Variants in RASSF3 observed in about 807,000 individuals in gnomAD.
RASSF3 encodes ras association domain-containing protein 3.
RASSF3 carries 19 observed loss-of-function variants against 19.9 expected under a neutral mutation model. The observed-to-expected ratio is 0.96, with a 90% CI of 0.67 to 1.40. RASSF3 has a LOEUF of 1.40. Among genes scored for constraint, RASSF3 ranks in the 40% most tolerant of loss-of-function variants. The probability of loss-of-function intolerance (pLI) is 0.00; values close to 1 mark genes in which losing one functional copy is unlikely to be tolerated. For missense variants in RASSF3, 306 were observed against 289.8 expected (o/e 1.06, Z -0.41); for synonymous variants, 110 against 104.2 (o/e 1.06, Z -0.34).
chr12:64,695,004 C>G lies in RASSF3; in HGVS notation c.*92C>G, dbSNP rs1868334549. On this transcript the variant is annotated 3_prime_UTR_variant, in exon 5 of 5. Coordinates refer to ENST00000542104, the MANE Select transcript of RASSF3 (RefSeq NM_178169.4). The stretch of plus-strand genomic sequence containing the variant: ...TTCTCAGAGGGCTGCTGTCTTGCCC[C>G]ACTATGCTAGGGTCTTCGCCTTTCT... The G allele has an allele frequency of 1.3e-5, 18 of 1,403,180 alleles. No homozygotes were observed. The highest frequency in any genetic ancestry group is 2.6e-4 in the Middle Eastern group (1 of 3,912). The allele number at this position is 1,403,180 out of a possible 1,614,324, so 86.9% of individuals were successfully genotyped here.
upstream of RASSF3, among the ~76,000 whole-genome samples, chr12:64,608,852 C>A (rs1009564235): frequency 2.0e-5 from 3 of 152,180 alleles, no homozygotes; most frequent in Non-Finnish European, 4.4e-5. Context: ...ATGGCACACA[C>A]ACGGATCAGC....
chr12:64,659,954 G>C (rs1465295052), intron 1 of RASSF3, among the ~76,000 whole-genome samples: 1 of 43,560 alleles, frequency 2.3e-5, no homozygotes, highest in Non-Finnish European at 5.1e-5. Flanking sequence ...TCTAATACGT[G>C]TGTGTGTGTG....
intron 1 of RASSF3, among the ~76,000 whole-genome samples, chr12:64,682,201 G>T (rs1483179953): frequency 1.3e-5 from 2 of 152,238 alleles, no homozygotes; most frequent in East Asian, 3.9e-4. Flanking sequence ...TCTTGTGCTG[G>T]TATTTATCCA....
At chr12:64,669,856 T>C (rs915719838) in intron 1 of RASSF3, among the ~76,000 whole-genome samples, 17 of 134,092 alleles carry the variant, frequency 1.3e-4, no homozygotes, top group African/African-American at 4.9e-4. Context: ...AGCACTTCTA[T>C]GCAACAAAGA....
chr12:64,669,669 C>T (rs969087881), intron 1 of RASSF3, among the ~76,000 whole-genome samples: 8 of 151,652 alleles, frequency 5.3e-5, no homozygotes, highest in African/African-American at 1.7e-4. Context: ...TCTCCTTGAC[C>T]CGTCCCTTTG....
At chr12:64,605,811 C>T (rs1019172851), upstream of RASSF3, among the ~76,000 whole-genome samples, 1 of 151,130 alleles carries the variant, frequency 6.6e-6, no homozygotes, top group Admixed American at 6.6e-5. Flanking sequence ...TCGCTTGAAC[C>T]CGGGAGGTGG....
chr12:64,512,604 A>T (rs962189130), intron 1 of RASSF3, among the ~76,000 whole-genome samples: 2 of 152,190 alleles, frequency 1.3e-5, no homozygotes, highest in African/African-American at 4.8e-5. Context: ...GTTCTTACTA[A>T]TGGTTTAACG....
At chr12:64,690,661 T>TC (rs1167969444) in intron 3 of RASSF3, among the ~76,000 whole-genome samples, 3 of 151,674 alleles carry the variant, frequency 2.0e-5, no homozygotes, top group African/African-American at 7.3e-5. Context: ...AAAAATTTTT[T>TC]TTTTTTGGAG....
chr12:64,605,485 A>G (rs1054938182), intron 2 of RASSF3, among the ~76,000 whole-genome samples: 4 of 152,108 alleles, frequency 2.6e-5, no homozygotes, highest in African/African-American at 9.7e-5. Flanking sequence ...ACCAATGTCA[A>G]TGGAGGAGAA....
chr12:64,507,493 AG>A, intron 1 of RASSF3: 1 of 392,462 alleles, frequency 2.5e-6, no homozygotes, highest in Non-Finnish European at 4.5e-6. Flanking sequence ...GAAAATTGAG[AG>A]AAAATAAAAT....
At chr12:64,528,341 C>T (rs909011751), upstream of RASSF3, among the ~76,000 whole-genome samples, 2 of 152,146 alleles carry the variant, frequency 1.3e-5, no homozygotes, top group African/African-American at 4.8e-5. Context: ...ATTTTAGGTA[C>T]CACCAGAGTA....
intron 2 of RASSF3, among the ~76,000 whole-genome samples, chr12:64,556,644 G>C (rs1056066300): frequency 6.6e-6 from 1 of 152,062 alleles, no homozygotes; most frequent in South Asian, 2.1e-4. Context: ...AGTTATGCTC[G>C]CCACAGCAGA....
At chr12:64,634,040 G>C (rs989020911) in intron 1 of RASSF3, among the ~76,000 whole-genome samples, 1 of 152,142 alleles carries the variant, frequency 6.6e-6, no homozygotes, top group African/African-American at 2.4e-5. Flanking sequence ...AGGCTGAGGT[G>C]GGAAGATGGC....
chr12:64,673,042 AGCCT>A (rs1872755958), intron 1 of RASSF3, among the ~76,000 whole-genome samples: 1 of 152,138 alleles, frequency 6.6e-6, no homozygotes. Context: ...CCTCCAAATG[AGCCT>A]GTTCATTTCC....
chr12:64,544,430 G>A (rs114707989), downstream of RASSF3, among the ~76,000 whole-genome samples: 824 of 152,218 alleles, frequency 5.4e-3, 7 homozygotes, highest in African/African-American at 0.019. Context: ...GAGGGTCCGC[G>A]GGTTCATTCT....
At chr12:64,628,195 T>C (rs960263518) in intron 1 of RASSF3, 3 of 152,242 alleles carry the variant, frequency 2.0e-5, no homozygotes, top group Non-Finnish European at 4.4e-5. Context: ...CAAGTTTCTT[T>C]CTTTCTTTTC....
At chr12:64,601,777 C>T (rs1483081685) in intron 2 of RASSF3, among the ~76,000 whole-genome samples, 1 of 152,016 alleles carries the variant, frequency 6.6e-6, no homozygotes, top group Non-Finnish European at 1.5e-5. Flanking sequence ...CAGGCCATTG[C>T]ACTCCAGCCT....
At position 64,514,938 on chromosome 12, in the gene RASSF3, A is replaced by T. The variant is rs533430926; in HGVS notation, c.169+7609A>T. Reference sequence around the variant, plus strand: ...CCTTGTTAGTTATTGTATTTTTTTTAAATTTTTGTTTTCTTTATCTCTAAT... The same window carrying T: ...CCTTGTTAGTTATTGTATTTTTTTTTAATTTTTGTTTTCTTTATCTCTAAT... On this transcript the variant is annotated intron_variant, in intron 1 of 5. Coordinates refer to the RASSF3 transcript ENST00000637125. Among the ~76,000 whole-genome samples, 166 of 151,910 alleles carry T rather than the reference A, an allele frequency of 1.1e-3. 3 individuals are homozygous for T. The South Asian group carries it at 0.015, about 14-fold the overall frequency.
chr12:64,694,695 T>A, intron 4 of RASSF3, 68 bp from the exon 5 acceptor site: 1 of 1,566,280 alleles, frequency 6.4e-7, no homozygotes, highest in Non-Finnish European at 8.7e-7. Flanking sequence ...TGGGAGCTCC[T>A]GGTCAGCATT....
Sources: gnomAD v4.1 joint callset for allele counts (sites outside exome capture counted in the v4.1 genomes callset) on GRCh38, gnomAD v4.1.1 for gene constraint, MANE v1.5 for transcripts, NCBI Gene and HGNC (gene_info 2026-07-23, HGNC 2026-07-21) for gene names.